BMPR2: variants seen among roughly 807,000 people sequenced by gnomAD.
BMPR2 encodes the protein bone morphogenetic protein receptor type 2, also known as bone morphogenetic protein receptor type-2.
A neutral mutation model predicts 100.8 loss-of-function variants in BMPR2; 29 were observed. The observed-to-expected ratio is 0.29, with a 90% CI of 0.21 to 0.39. BMPR2 has a LOEUF of 0.39. BMPR2 is among the 10% of genes least tolerant of loss of function. The probability of loss-of-function intolerance (pLI) is 1.00; values close to 1 mark genes in which losing one functional copy is unlikely to be tolerated. For missense variants in BMPR2, 1,011 were observed against 1,274.5 expected (o/e 0.79, Z 3.15); for synonymous variants, 382 against 442.3 (o/e 0.86, Z 1.71).
At chr2:202,512,018 TA>T (rs925716028) in intron 3 of BMPR2, among the ~76,000 whole-genome samples, 455 of 137,150 alleles carry the variant, frequency 3.3e-3, no homozygotes, top group African/African-American at 3.9e-3. Flanking sequence ...AAGACTCTCT[TA>T]AAAAAAAAAA....
At chr2:202,541,453 A>T (rs970886878) in intron 9 of BMPR2, among the ~76,000 whole-genome samples, 1 of 152,178 alleles carries the variant, frequency 6.6e-6, no homozygotes. Flanking sequence ...TTTAAAGTAT[A>T]TTGATTTTTC....
At chr2:202,482,358 A>C (rs947633530) in intron 3 of BMPR2, among the ~76,000 whole-genome samples, 10 of 152,268 alleles carry the variant, frequency 6.6e-5, no homozygotes, top group African/African-American at 2.2e-4. Context: ...TTGCAGAATC[A>C]TGTGATAAAA....
intron 7 of BMPR2, among the ~76,000 whole-genome samples, chr2:202,529,739 A>G (rs1687983467): frequency 1.3e-5 from 2 of 152,188 alleles, no homozygotes; most frequent in South Asian, 2.1e-4. Context: ...TATTATAATT[A>G]TCTATAGTTT....
At chr2:202,475,584 C>T (rs1247865007) in intron 3 of BMPR2, among the ~76,000 whole-genome samples, 1 of 152,160 alleles carries the variant, frequency 6.6e-6, no homozygotes, top group Non-Finnish European at 1.5e-5. Context: ...GCTAGCTCTG[C>T]ACTTCTGAAT....
chr2:202,402,790 C>CTGA (rs1690792467), intron 1 of BMPR2, among the ~76,000 whole-genome samples: 9 of 151,328 alleles, frequency 5.9e-5, no homozygotes, highest in Non-Finnish European at 1.5e-5. Context: ...CCTCAGCCTC[C>CTGA]CTAGCTGGGA....
At chr2:202,381,444 T>C (rs954781912) in intron 1 of BMPR2, among the ~76,000 whole-genome samples, 2 of 152,120 alleles carry the variant, frequency 1.3e-5, no homozygotes, top group Non-Finnish European at 1.5e-5. Context: ...TGTCATGGCA[T>C]TGGCAGAAGT....
At chr2:202,392,726 C>G (rs1274646322) in intron 1 of BMPR2, among the ~76,000 whole-genome samples, 1 of 151,856 alleles carries the variant, frequency 6.6e-6, no homozygotes, top group East Asian at 1.9e-4. Context: ...GGCGCGGTGG[C>G]TCACGCCTGT....
rs1487092347 is a variant in BMPR2, at chr2:202,530,762, T to G, written c.968-32T>G. 1.9e-6 allele frequency: 3 copies of G among 1,555,402 alleles called. No homozygotes were observed. In the South Asian group the frequency reaches 3.4e-5, roughly 18 times the overall value. The stretch of plus-strand genomic sequence containing the variant: ...TTTCATGTTCAATAGTCCCTTTTAT[T>G]CATTGATAAATATTTGAAATTATCC... On this transcript the variant is annotated intron_variant, in intron 7 of 12. Transcript: ENST00000374580.
At chr2:202,485,543 A>ACCTTTTTTTTTTTTTT (rs1692756358) in intron 3 of BMPR2, among the ~76,000 whole-genome samples, 2 of 14,052 alleles carry the variant, frequency 1.4e-4, no homozygotes, top group Non-Finnish European at 1.9e-4. Flanking sequence ...CTTTGCCTTT[A>ACCTTTTTTTTTTTTTT]TCTTTTTTTT....
intron 1 of BMPR2, among the ~76,000 whole-genome samples, chr2:202,438,347 T>C (rs1415211217): frequency 1.3e-5 from 2 of 150,484 alleles, no homozygotes; most frequent in Non-Finnish European, 2.9e-5. Flanking sequence ...TAAAAGTTCT[T>C]TTTATATTCT....
chr2:202,464,045 G>A (rs1334213704), intron 1 of BMPR2, among the ~76,000 whole-genome samples: 2 of 151,092 alleles, frequency 1.3e-5, no homozygotes, highest in African/African-American at 4.9e-5. Flanking sequence ...TGTAATGCCA[G>A]CTACTCAGGA....
chr2:202,379,085 G>C (rs961264270), intron 1 of BMPR2, among the ~76,000 whole-genome samples: 8 of 152,188 alleles, frequency 5.3e-5, no homozygotes, highest in Admixed American at 2.6e-4. Context: ...AAAAGGGAGA[G>C]AGTAAAAGAA....
At chr2:202,389,034 A>G (rs1485705127) in intron 1 of BMPR2, among the ~76,000 whole-genome samples, 2 of 151,198 alleles carry the variant, frequency 1.3e-5, no homozygotes, top group Non-Finnish European at 3.0e-5. Flanking sequence ...GTTCGAGACC[A>G]GCCTGGGCAA....
intron 3 of BMPR2, among the ~76,000 whole-genome samples, chr2:202,487,871 G>A (rs754859267): frequency 2.6e-5 from 4 of 152,072 alleles, no homozygotes; most frequent in African/African-American, 7.2e-5. Flanking sequence ...ACCAACACCC[G>A]GCCAATTTTT....
intron 1 of BMPR2, among the ~76,000 whole-genome samples, chr2:202,426,347 A>C (rs1276693027): frequency 6.6e-6 from 1 of 151,876 alleles, no homozygotes; most frequent in Non-Finnish European, 1.5e-5. Flanking sequence ...TTGGGAGGTC[A>C]TAGTGGGCTG....
intron 1 of BMPR2, among the ~76,000 whole-genome samples, chr2:202,430,592 C>T (rs1691483090): frequency 6.6e-6 from 1 of 152,010 alleles, no homozygotes; most frequent in Admixed American, 6.6e-5. Context: ...TCATTTTGAC[C>T]CATTCTTTTT....
At chr2:202,513,358 A>G (rs930772617) in intron 3 of BMPR2, among the ~76,000 whole-genome samples, 1 of 152,180 alleles carries the variant, frequency 6.6e-6, no homozygotes, top group African/African-American at 2.4e-5. Context: ...TACTATTTTT[A>G]TAAATGAGGA....
rs199954814 is a variant in BMPR2, at chr2:202,520,148, C to T, written c.914C>T (p.Ala305Val). ...GACTGGGTAAGCTCTTGCCGTCTTG[C>T]TCATTCTGTTACTAGAGGACTGGCT... is the stretch of plus-strand genomic sequence containing the variant. ...TSDWVSSCRL[A>V]HSVTRGLAYL... The change falls in exon 7 of 13, where the codon GCT (alanine) becomes GTT (valine). Residue 305 changes from alanine to valine, a missense_variant. Coordinates refer to ENST00000374580, the MANE Select transcript of BMPR2 (RefSeq NM_001204.7). 9 of 1,613,326 alleles carry T rather than the reference C, an allele frequency of 5.6e-6. No individual in the cohort carries two copies. In the Admixed American group the frequency reaches 1.5e-4, roughly 27 times the overall value.
chr2:202,477,256 T>G (rs961849595), intron 3 of BMPR2, among the ~76,000 whole-genome samples: 19 of 152,210 alleles, frequency 1.2e-4, no homozygotes, highest in African/African-American at 4.6e-4. Flanking sequence ...AGGAAATAAC[T>G]GTCTTTAAGT....
Sources: allele counts gnomAD v4.1 joint callset (sites outside exome capture counted in the v4.1 genomes callset), GRCh38; gene constraint gnomAD v4.1.1; transcripts MANE v1.5; gene names NCBI Gene and HGNC (gene_info 2026-07-23, HGNC 2026-07-21).